The following SSH1 variants were observed in gnomAD, a reference collection of about 807,000 sequenced individuals.
SSH1 encodes the protein slingshot protein phosphatase 1.
Under a neutral mutation model 79.7 loss-of-function variants are expected in SSH1, and 43 were observed. The ratio of observed to expected loss-of-function variants is 0.54; its 90% CI spans 0.42 to 0.70. The LOEUF (loss-of-function observed/expected upper bound fraction) is 0.70, where lower values mean the gene tolerates loss of function less well. SSH1 is among the 30% of genes least tolerant of loss of function. The probability of loss-of-function intolerance (pLI) is 0.00; values close to 1 mark genes in which losing one functional copy is unlikely to be tolerated. For synonymous variants in SSH1, 599 were observed against 538.3 expected, an observed-to-expected ratio of 1.11 and a Z score of -1.56; for missense variants, 1,206 against 1,358.8, an observed-to-expected ratio of 0.89 and a Z score of 1.77.
At chr12:108,801,636 T>C (rs759600299) in intron 11 of SSH1, among the ~76,000 whole-genome samples, 1 of 152,022 alleles carries the variant, frequency 6.6e-6, no homozygotes, top group Admixed American at 6.6e-5. Context: ...GTTCTAAAGA[T>C]GTATTTTAAG....
chr12:108,845,344 G>A (rs779333956), intron 2 of SSH1, among the ~76,000 whole-genome samples: 6 of 152,082 alleles, frequency 3.9e-5, no homozygotes, highest in African/African-American at 1.4e-4. Flanking sequence ...CAGCTATACC[G>A]TGTCCAGATT....
At chr12:108,802,234 G>A (rs61934145) in intron 11 of SSH1, 88 bp downstream of exon 11, 2 of 1,243,610 alleles carry the variant, frequency 1.6e-6, no homozygotes, top group African/African-American at 1.5e-5. Flanking sequence ...TTACAGGCAG[G>A]CAGCCCCAAG....
At chr12:108,853,922 CA>C (rs113813284) in intron 1 of SSH1, among the ~76,000 whole-genome samples, 4,360 of 107,492 alleles carry the variant, frequency 0.041, 130 homozygotes, top group African/African-American at 0.11. Context: ...TACTTCGTTT[CA>C]AAAAAAAAAA....
rs1476135665 is a variant in SSH1, at chr12:108,786,782, G to T, written c.*1206C>A. On this transcript the variant is annotated 3_prime_UTR_variant, in exon 15 of 15. Transcript: ENST00000326495. The stretch of plus-strand genomic sequence containing the variant: ...CTTTTCTGCAAGCTGCCTCTCTCTC[G>T]AAATGTTTTGACATCTAGCTTGCTG... 2 of 152,192 alleles carry T rather than the reference G, an allele frequency of 1.3e-5. No individual in the cohort carries two copies. The highest frequency in any genetic ancestry group is 6.5e-5 in the Admixed American group (1 of 15,278). 9.4% of individuals were successfully genotyped at this position (152,192 alleles called of 1,614,324 possible).
chr12:108,786,849 T>G lies in SSH1; in HGVS notation c.*1139A>C, dbSNP rs2036289849. 1.3e-5 allele frequency: 2 copies of G among 152,216 alleles called. No individual in the cohort carries two copies. The highest frequency in any genetic ancestry group is 2.1e-4 in the South Asian group (1 of 4,828). 9.4% of individuals were successfully genotyped at this position (152,216 alleles called of 1,614,324 possible). A position where few individuals can be genotyped will look rare whatever the true frequency, so the allele number is the denominator to read the frequency against. ...CCTGGCGCAGCGGGACTGGCTGAGC[T>G]CACCTGAGTCTTAAAGGGGCCGCCC... On this transcript the variant is annotated 3_prime_UTR_variant, in exon 15 of 15. Transcript: ENST00000326495.
intron 2 of SSH1, 59 bp downstream of exon 2, chr12:108,852,579 G>A (rs938579842): frequency 4.4e-5 from 70 of 1,599,516 alleles, no homozygotes; most frequent in Non-Finnish European, 5.8e-5. Flanking sequence ...AGAGGAACAA[G>A]AGCATTCCTT....
intron 3 of SSH1, 131 bp downstream of exon 3, chr12:108,823,127 C>A (rs1357822727): frequency 1.2e-6 from 1 of 827,976 alleles, no homozygotes; most frequent in Non-Finnish European, 2.0e-6. Flanking sequence ...CCTCTGCCTG[C>A]ACTGGTCACT....
chr12:108,788,465 T>C lies in SSH1; in HGVS notation c.2673A>G (p.Glu891=), dbSNP rs141463996. 14 of 1,561,408 alleles carry C rather than the reference T, an allele frequency of 9.0e-6. No individual in the cohort carries two copies. In the African/African-American group the frequency reaches 1.8e-4, roughly 20 times the overall value. Residue 891 remains glutamate, a synonymous_variant, in exon 15 of 15, where the codon GAA becomes GAG. Transcript: ENST00000326495. ...GAGGGGGGCTCTTCAGTGAGCCTCC[T>C]TCCAATGAAGCGGGGGCGGCCTCTG... The part of the protein sequence containing the change: ...EKSEAAPASL[E]GGSLKSPPPF...
intron 2 of SSH1, among the ~76,000 whole-genome samples, chr12:108,844,349 TAAGCCTCAGAGCATGAAC>T (rs1364223048): frequency 6.6e-6 from 1 of 152,088 alleles, no homozygotes; most frequent in East Asian, 1.9e-4. Context: ...CAAGAGACAC[TAAGCCTCAGAGCATGAAC>T]AAGCATGTGG....
intron 4 of SSH1, 33 bp downstream of exon 4, chr12:108,818,216 A>G: frequency 6.2e-7 from 1 of 1,605,308 alleles, no homozygotes; most frequent in Non-Finnish European, 8.5e-7. Context: ...TTAAAAAAAA[A>G]TTTTTTAACT....
intron 5 of SSH1, chr12:108,811,537 T>C: frequency 1.6e-6 from 1 of 620,862 alleles, no homozygotes; most frequent in African/African-American, 1.8e-5. Flanking sequence ...AGCTGAGGCT[T>C]TTGGGTGCAG....
At chr12:108,837,397 T>G (rs1311056994) in intron 2 of SSH1, among the ~76,000 whole-genome samples, 1 of 152,128 alleles carries the variant, frequency 6.6e-6, no homozygotes, top group East Asian at 1.9e-4. Context: ...TGGTGACTCT[T>G]GAATGGGGTT....
At chr12:108,809,813 G>C (rs1432651404) in intron 6 of SSH1, 55 bp from the exon 7 acceptor site, 9 of 1,493,388 alleles carry the variant, frequency 6.0e-6, no homozygotes, top group Non-Finnish European at 7.5e-6. Flanking sequence ...AGCGCCTTGA[G>C]TGAAATCACT....
At position 108,792,522 on chromosome 12, in the gene SSH1, G is replaced by A. The variant is rs1219498596; in HGVS notation, c.1657C>T (p.Pro553Ser). 2.5e-6 allele frequency: 4 copies of A among 1,614,080 alleles called. No homozygotes were observed. The highest frequency in any genetic ancestry group is 3.4e-6 in the Non-Finnish European group (4 of 1,180,044). Residue 553 changes from proline to serine, a missense_variant, in exon 14 of 15, where the codon CCG (proline) becomes TCG (serine). Coordinates refer to ENST00000326495, the MANE Select transcript of SSH1 (RefSeq NM_018984.4). ...EAAPPAEVHR[P>S]ARQPQQGSGL... ...GAACCTTGCTGGGGCTGTCTGGCCG[G>A]CCTGTGCACCTCTGCAGGTGGAGCA...
intron 2 of SSH1, among the ~76,000 whole-genome samples, chr12:108,829,887 A>G (rs2038431133): frequency 6.6e-6 from 1 of 152,020 alleles, no homozygotes; most frequent in African/African-American, 2.4e-5. Flanking sequence ...GAATCAGTTG[A>G]CCCCTGGAGT....
chr12:108,791,902 CAT>C, intron 14 of SSH1: 1 of 1,289,798 alleles, frequency 7.8e-7, no homozygotes, highest in East Asian at 2.9e-5. Context: ...AAAGAATAGT[CAT>C]ATATCGATAA....
chr12:108,841,644 C>G (rs1201695954), intron 2 of SSH1, among the ~76,000 whole-genome samples: 1 of 151,878 alleles, frequency 6.6e-6, no homozygotes, highest in East Asian at 1.9e-4. Flanking sequence ...CCCGTCTCTA[C>G]TAAAAATACG....
chr12:108,792,080 C>T, intron 14 of SSH1: 1 of 1,461,274 alleles, frequency 6.8e-7, no homozygotes, highest in Non-Finnish European at 9.0e-7. Context: ...AAGGTATGCA[C>T]TACGTACCCA....
chr12:108,849,518 T>C (rs1180530826), intron 2 of SSH1, among the ~76,000 whole-genome samples: 1 of 152,104 alleles, frequency 6.6e-6, no homozygotes, highest in Non-Finnish European at 1.5e-5. Flanking sequence ...GATCACACCA[T>C]TGCACTCCGG....
Sources: gnomAD v4.1 joint callset for allele counts (sites outside exome capture counted in the v4.1 genomes callset) on GRCh38, gnomAD v4.1.1 for gene constraint, MANE v1.5 for transcripts, NCBI Gene and HGNC (gene_info 2026-07-23, HGNC 2026-07-21) for gene names.